TANGO6: variants seen among roughly 807,000 people sequenced by gnomAD.
The protein encoded by TANGO6 is transport and golgi organization 6 homolog.
A neutral mutation model predicts 114.2 loss-of-function variants in TANGO6; 90 were observed. The ratio of observed to expected loss-of-function variants is 0.79; its 90% CI spans 0.66 to 0.94. The LOEUF is 0.94. Ranked by LOEUF, TANGO6 falls within the 40% of genes least tolerant of loss-of-function variation. The pLI is 0.00. For missense variants in TANGO6, 1,274 were observed against 1,315.3 expected (o/e 0.97, Z 0.49); for synonymous variants, 477 against 509.8 (o/e 0.94, Z 0.87).
At chr16:68,967,934 T>G (rs973797965) in intron 14 of TANGO6, among the ~76,000 whole-genome samples, 1 of 152,170 alleles carries the variant, frequency 6.6e-6, no homozygotes, top group Non-Finnish European at 1.5e-5. Flanking sequence ...AGTAACACGC[T>G]GTGGGATCAT....
chr16:68,921,209 G>GTCT (rs1358895186), intron 12 of TANGO6, among the ~76,000 whole-genome samples: 2 of 147,690 alleles, frequency 1.4e-5, no homozygotes, highest in Non-Finnish European at 1.5e-5. Context: ...TTCAGACAGA[G>GTCT]TCTTACTCTG....
intron 16 of TANGO6, among the ~76,000 whole-genome samples, chr16:69,023,459 A>G (rs1959447564): frequency 1.3e-5 from 2 of 152,146 alleles, no homozygotes; most frequent in African/African-American, 4.8e-5. Context: ...CTGTCTCAAA[A>G]AAAACAAAAA....
chr16:69,019,265 A>T (rs767228907), intron 15 of TANGO6, among the ~76,000 whole-genome samples: 11 of 152,220 alleles, frequency 7.2e-5, no homozygotes, highest in Non-Finnish European at 1.6e-4. Flanking sequence ...TTAGAAATGC[A>T]AAGACTGGGT....
chr16:69,073,164 T>C (rs1254584780), intron 17 of TANGO6, among the ~76,000 whole-genome samples: 2 of 152,176 alleles, frequency 1.3e-5, no homozygotes, highest in African/African-American at 2.4e-5. Flanking sequence ...AGGCTGTACC[T>C]GCATAGCAAG....
intron 7 of TANGO6, among the ~76,000 whole-genome samples, chr16:68,882,532 C>A (rs1036055231): frequency 7.9e-5 from 12 of 151,750 alleles, no homozygotes; most frequent in African/African-American, 2.7e-4. Context: ...ATAGAAAAAC[C>A]TGTATGTGAA....
chr16:68,919,866 A>G (rs1273202558), intron 12 of TANGO6, among the ~76,000 whole-genome samples: 1 of 151,778 alleles, frequency 6.6e-6, no homozygotes, highest in Non-Finnish European at 1.5e-5. Context: ...ACATGGTGAA[A>G]CCCCGTCTCT....
chr16:69,079,508 A>C (rs1960435077), intron 17 of TANGO6, among the ~76,000 whole-genome samples: 1 of 152,072 alleles, frequency 6.6e-6, no homozygotes, highest in Admixed American at 6.6e-5. Context: ...CAGAATAAAA[A>C]ATTTCACAAA....
chr16:68,846,764 C>T lies in TANGO6; in HGVS notation c.94+3053C>T, dbSNP rs938046832. 1.3e-4 allele frequency: 21 copies of T among 156,196 alleles called. No homozygotes were observed. The South Asian group carries it at 2.1e-3, about 16-fold the overall frequency. The allele number at this position is 156,196 out of a possible 1,614,324, so 9.7% of individuals were successfully genotyped here. On this transcript the variant is annotated intron_variant, in intron 1 of 17. Transcript: ENST00000261778. ...TCGTAATCCTCCCGCCTCGGCCTCC[C>T]GAAGTGCTGGGATTACAGATGTGAG...
chr16:69,077,262 C>G (rs1483416636), intron 17 of TANGO6, among the ~76,000 whole-genome samples: 2 of 151,566 alleles, frequency 1.3e-5, no homozygotes, highest in East Asian at 1.9e-4. Context: ...TGCTATGTTA[C>G]CCAGGCTGGA....
intron 17 of TANGO6, among the ~76,000 whole-genome samples, chr16:69,076,778 T>C (rs534554365): frequency 6.8e-4 from 104 of 152,234 alleles, no homozygotes; most frequent in African/African-American, 2.5e-3. Context: ...TGGGGCACAG[T>C]GAACTCCAGA....
rs553388109 is a variant in TANGO6, at chr16:68,915,080, A to G, written c.1993-4005A>G. Among the ~76,000 whole-genome samples, 522 of 150,282 alleles carry G rather than the reference A, an allele frequency of 3.5e-3. 6 individuals carry two copies. Among genetic ancestry groups the G allele is most frequent in the African/African-American group, 0.012 (497 of 40,864 alleles). On this transcript the variant is annotated intron_variant, in intron 11 of 17. Coordinates refer to ENST00000261778, the MANE Select transcript of TANGO6 (RefSeq NM_024562.2). Reference sequence around the variant, plus strand: ...GGGAGGCTACTCGGGAGGCTGAGGCAGGAGTATTGCTTGAACCCGGGAGGT... The same window carrying G: ...GGGAGGCTACTCGGGAGGCTGAGGCGGGAGTATTGCTTGAACCCGGGAGGT...
At position 68,893,608 on chromosome 16, in the gene TANGO6, C is replaced by A. The variant is rs559042367; in HGVS notation, c.1378-6826C>A. On this transcript the variant is annotated intron_variant, in intron 7 of 17. Transcript: ENST00000261778. ...AAAATTAGCCGGGCGTGGTGGCACGCACCTGTAATCCCACCTACTTGGGAG... is the reference window on the plus strand; with the variant it reads ...AAAATTAGCCGGGCGTGGTGGCACGAACCTGTAATCCCACCTACTTGGGAG... Among the ~76,000 whole-genome samples the A allele has an allele frequency of 3.3e-5, 5 of 151,782 alleles. No individual in the cohort carries two copies. In the South Asian group the frequency reaches 1.0e-3, roughly 32 times the overall value.
intron 14 of TANGO6, among the ~76,000 whole-genome samples, chr16:68,939,523 A>G (rs1963330522): frequency 6.6e-6 from 1 of 152,112 alleles, no homozygotes; most frequent in Non-Finnish European, 1.5e-5. Flanking sequence ...CAATTTGAAC[A>G]GTAAGTTGTG....
intron 17 of TANGO6, 66 bp from the exon 18 acceptor site, chr16:69,083,419 C>A (rs2152246467): frequency 6.6e-7 from 1 of 1,510,376 alleles, no homozygotes; most frequent in East Asian, 2.4e-5. Flanking sequence ...GAGGAGAGGG[C>A]AGTTCAGTCG....
Position 68,924,146 on chromosome 16 carries a change from AAGAAAATGACTTTCC to A in TANGO6, c.2128-3419_2128-3405del, listed in dbSNP as rs1460093684. On this transcript the variant is annotated intron_variant, in intron 12 of 17. Transcript: ENST00000261778. The stretch of plus-strand genomic sequence containing the variant: ...AGTGCCTCCAATTTTACAACTTAAA[AAGAAAATGACTTTCC>A]AGTTAACTAAGCTGACTAGTTCTCT... Among the ~76,000 whole-genome samples the A allele has an allele frequency of 7.2e-5, 11 of 152,342 alleles. No individual in the cohort carries two copies. In the South Asian group the frequency reaches 2.3e-3, roughly 32 times the overall value.
At position 68,890,786 on chromosome 16, in the gene TANGO6, C is replaced by T. The variant is rs1962602324; in HGVS notation, c.1378-9648C>T. Among the ~76,000 whole-genome samples, 8 of 152,058 alleles carry T rather than the reference C, an allele frequency of 5.3e-5. No individual in the cohort carries two copies. In the South Asian group the frequency reaches 1.7e-3, roughly 32 times the overall value. The stretch of plus-strand genomic sequence containing the variant: ...CTATAATCCCAGCACTTTGGGAGGC[C>T]AAGGCAGTTCGATCACCTGAGGTCA... On this transcript the variant is annotated intron_variant, in intron 7 of 17. Coordinates refer to ENST00000261778, the MANE Select transcript of TANGO6 (RefSeq NM_024562.2).
Position 68,867,095 on chromosome 16 carries a change from A to C in TANGO6, c.869A>C (p.Lys290Thr), listed in dbSNP as rs577429084. 1 of 1,613,252 alleles carries C rather than the reference A, an allele frequency of 6.2e-7. No homozygotes were observed. Among genetic ancestry groups the C allele is most frequent in the South Asian group, 1.1e-5 (1 of 91,062 alleles). Residue 290 changes from lysine to threonine, a missense_variant, in exon 4 of 18, where the codon AAG (lysine) becomes ACG (threonine). Around this residue, in one of 5 missense-constraint regions of TANGO6, gnomAD observed 908 missense variants for 910.2 expected, o/e 1.00. Transcript: ENST00000261778. Reference sequence around the variant, plus strand: ...TTTTCTCAGTCCTGCACAGATGTGAAGACACAGATGAGGTGTCGGGCCCCA... The same window carrying C: ...TTTTCTCAGTCCTGCACAGATGTGACGACACAGATGAGGTGTCGGGCCCCA... The part of the protein sequence containing the change: ...GGPPQSCTDV[K>T]TQMRCRAPAW...
intron 14 of TANGO6, among the ~76,000 whole-genome samples, chr16:68,970,671 A>AT (rs1825217362): frequency 6.7e-6 from 1 of 149,482 alleles, no homozygotes; most frequent in East Asian, 1.9e-4. Context: ...TCGTCTCAAA[A>AT]AAAAAAAAAA....
At chr16:68,999,676 G>A (rs1317287395) in intron 15 of TANGO6, among the ~76,000 whole-genome samples, 1 of 152,106 alleles carries the variant, frequency 6.6e-6, no homozygotes, top group Non-Finnish European at 1.5e-5. Context: ...CTCCTTAGAG[G>A]AGTATACTTT....
Sources: gnomAD v4.1 joint callset for allele counts (sites outside exome capture counted in the v4.1 genomes callset) on GRCh38, gnomAD v4.1.1 for gene constraint, gnomAD v4.1.1 regional missense constraint, MANE v1.5 for transcripts, NCBI Gene and HGNC (gene_info 2026-07-23, HGNC 2026-07-21) for gene names.